The following EML4 variants were observed in gnomAD, a reference collection of about 807,000 sequenced individuals.
EML4 encodes the protein echinoderm microtubule-associated protein-like 4.
A neutral mutation model predicts 129.0 loss-of-function variants in EML4; 72 were observed. The observed-to-expected ratio is 0.56, with a 90% CI of 0.46 to 0.68. EML4 has a LOEUF of 0.68. Ranked by LOEUF, EML4 falls within the 30% of genes least tolerant of loss-of-function variation. The pLI, the probability that EML4 is intolerant of heterozygous loss-of-function variation, is 0.00. For synonymous variants in EML4, 532 were observed against 405.0 expected (o/e 1.31, Z -3.77); for missense variants, 1,363 against 1,190.6 (o/e 1.14, Z -2.13).
At chr2:42,206,296 C>T (rs1246530856) in intron 1 of EML4, among the ~76,000 whole-genome samples, 2 of 152,142 alleles carry the variant, frequency 1.3e-5, no homozygotes, top group East Asian at 3.8e-4. Flanking sequence ...TTAGTATAGC[C>T]TCACATTCCT....
intron 6 of EML4, among the ~76,000 whole-genome samples, chr2:42,278,083 A>C (rs977297363): frequency 3.9e-5 from 6 of 152,172 alleles, no homozygotes; most frequent in Admixed American, 3.9e-4. Context: ...TTTTCATATC[A>C]TGCCAGACAA....
At chr2:42,232,878 C>G (rs566729408) in intron 1 of EML4, among the ~76,000 whole-genome samples, 1 of 152,232 alleles carries the variant, frequency 6.6e-6, no homozygotes, top group South Asian at 2.1e-4. Context: ...GCGCCCGCCA[C>G]AACGCGCGGC....
chr2:42,228,729 A>G (rs967831524), intron 1 of EML4, among the ~76,000 whole-genome samples: 3 of 152,142 alleles, frequency 2.0e-5, no homozygotes, highest in Non-Finnish European at 1.5e-5. Context: ...AATTTTCTGT[A>G]TATATCTGTC....
intron 1 of EML4, among the ~76,000 whole-genome samples, chr2:42,216,673 G>GTT (rs1453334270): frequency 6.6e-6 from 1 of 152,134 alleles, no homozygotes; most frequent in Non-Finnish European, 1.5e-5. Flanking sequence ...ATTAAAACAT[G>GTT]TTTTGAATGT....
At position 42,303,701 on chromosome 2, in the gene EML4, G is replaced by A. The variant is rs182504768; in HGVS notation, c.1899+255G>A. 4.7e-4 allele frequency among the ~76,000 whole-genome samples: 72 copies of A among 152,288 alleles called. No homozygotes were observed. The Middle Eastern group carries it at 0.02, about 43-fold the overall frequency. On this transcript the variant is annotated intron_variant, in intron 16 of 22. Coordinates refer to ENST00000318522, the MANE Select transcript of EML4 (RefSeq NM_019063.5). ...AGCACTTTGGGAGGCCCAGGCAGGCGGATCACGAGGTCAGGAGATCGAGAC... is the reference window on the plus strand; with the variant it reads ...AGCACTTTGGGAGGCCCAGGCAGGCAGATCACGAGGTCAGGAGATCGAGAC...
chr2:42,317,079 A>G (rs1669283648), intron 18 of EML4, among the ~76,000 whole-genome samples: 1 of 152,158 alleles, frequency 6.6e-6, no homozygotes, highest in African/African-American at 2.4e-5. Flanking sequence ...CTGTTCTGTA[A>G]TTGGACAGAT....
chr2:42,311,747 C>T (rs1031509733), intron 17 of EML4, among the ~76,000 whole-genome samples: 1 of 152,052 alleles, frequency 6.6e-6, no homozygotes, highest in African/African-American at 2.4e-5. Flanking sequence ...AGAAGAATTT[C>T]AGAGGGATAC....
chr2:42,220,818 T>TA (rs1673545708), intron 1 of EML4, among the ~76,000 whole-genome samples: 1 of 152,256 alleles, frequency 6.6e-6, no homozygotes, highest in East Asian at 1.9e-4. Context: ...ATGATAAAGT[T>TA]AAACAGCCTT....
intron 7 of EML4, 91 bp downstream of exon 7, chr2:42,281,064 CAA>C (rs878979316): frequency 5.5e-4 from 451 of 813,322 alleles, no homozygotes; most frequent in Middle Eastern, 1.1e-3. Flanking sequence ...TGTCTTTATA[CAA>C]AAAAAAAAAG....
intron 13 of EML4, among the ~76,000 whole-genome samples, chr2:42,296,181 G>C (rs1043035005): frequency 1.3e-5 from 2 of 152,102 alleles, no homozygotes; most frequent in Non-Finnish European, 2.9e-5. Flanking sequence ...AATGTCCAGA[G>C]TACCATGTAC....
intron 1 of EML4, among the ~76,000 whole-genome samples, chr2:42,172,733 A>G (rs1174080850): frequency 1.3e-5 from 2 of 152,070 alleles, no homozygotes; most frequent in African/African-American, 2.4e-5. Context: ...ATAGATACCC[A>G]TGTGCAAAAT....
chr2:42,171,325 C>T (rs1670264641), intron 1 of EML4, among the ~76,000 whole-genome samples: 1 of 152,140 alleles, frequency 6.6e-6, no homozygotes, highest in African/African-American at 2.4e-5. Flanking sequence ...GGTCCTCATC[C>T]TGTAGGAGTG....
chr2:42,282,989 A>G lies in EML4; in HGVS notation c.941+17A>G. On this transcript the variant is annotated intron_variant, in intron 8 of 22. Coordinates refer to ENST00000318522, the MANE Select transcript of EML4 (RefSeq NM_019063.5). ...TGTGAAATGGTTGGTATCATTTAACATTGGTTCATTTTTGTTCTTTCAGGC... is the reference window on the plus strand; with the variant it reads ...TGTGAAATGGTTGGTATCATTTAACGTTGGTTCATTTTTGTTCTTTCAGGC... 2.5e-6 allele frequency: 4 copies of G among 1,573,222 alleles called. No individual in the cohort carries two copies. The highest frequency in any genetic ancestry group is 1.2e-5 in the South Asian group (1 of 83,740).
intron 7 of EML4, among the ~76,000 whole-genome samples, chr2:42,281,446 A>G (rs879619873): frequency 3.9e-5 from 6 of 152,104 alleles, no homozygotes; most frequent in East Asian, 3.9e-4. Flanking sequence ...GCTGTTAGCA[A>G]TTTAAAGCCA....
intron 11 of EML4, chr2:42,288,615 C>A (rs1191968062): frequency 5.7e-6 from 1 of 176,728 alleles, no homozygotes; most frequent in East Asian, 1.4e-4. Flanking sequence ...GAACACACTT[C>A]TTGGTTTTCT....
At chr2:42,316,621 C>T (rs1402104995) in intron 18 of EML4, among the ~76,000 whole-genome samples, 2 of 152,164 alleles carry the variant, frequency 1.3e-5, no homozygotes, top group Non-Finnish European at 2.9e-5. Context: ...TGTGATAATA[C>T]TCCAGTTACC....
At chr2:42,292,651 G>T (rs1015441037) in intron 11 of EML4, among the ~76,000 whole-genome samples, 4 of 152,132 alleles carry the variant, frequency 2.6e-5, no homozygotes, top group Admixed American at 2.0e-4. Context: ...ATTTATGGAA[G>T]GTTAGTAATG....
At chr2:42,262,628 A>T (rs1572649205) in intron 4 of EML4, among the ~76,000 whole-genome samples, 1 of 152,210 alleles carries the variant, frequency 6.6e-6, no homozygotes. Flanking sequence ...AATTTCACTT[A>T]TAAGTATAGG....
chr2:42,281,237 C>T (rs1396245126), intron 7 of EML4, among the ~76,000 whole-genome samples: 2 of 151,666 alleles, frequency 1.3e-5, no homozygotes, highest in African/African-American at 4.8e-5. Context: ...ACTAAAGATA[C>T]AAAAAATTAG....
Sources: gnomAD v4.1 joint callset for allele counts (sites outside exome capture counted in the v4.1 genomes callset) on GRCh38, gnomAD v4.1.1 for gene constraint, MANE v1.5 for transcripts, NCBI Gene and HGNC (gene_info 2026-07-23, HGNC 2026-07-21) for gene names.